Variants in PDE1A observed in about 807,000 individuals in gnomAD.
The protein encoded by PDE1A is dual specificity calcium/calmodulin-dependent 3',5'-cyclic nucleotide phosphodiesterase 1A.
PDE1A carries 35 observed loss-of-function variants against 61.7 expected under a neutral mutation model. The observed-to-expected ratio is 0.57, with a 90% CI of 0.43 to 0.75. The LOEUF (loss-of-function observed/expected upper bound fraction) is 0.75. Among genes scored for constraint, PDE1A ranks in the 30% least tolerant of loss-of-function variants. The pLI is 0.00. For missense variants in PDE1A, 597 were observed against 630.6 expected (o/e 0.95, Z 0.57); for synonymous variants, 232 against 213.2 (o/e 1.09, Z -0.77).
the PDE1A span, among the ~76,000 whole-genome samples, chr2:182,555,804 T>C: frequency 6.6e-6 from 1 of 151,382 alleles, no homozygotes; most frequent in Non-Finnish European, 1.5e-5. Flanking sequence ...CTGTCTCTAC[T>C]AAAAATACAA....
chr2:182,259,028 C>T (rs1692024132), intron 2 of PDE1A, among the ~76,000 whole-genome samples: 1 of 152,156 alleles, frequency 6.6e-6, no homozygotes, highest in South Asian at 2.1e-4. Context: ...TTCAGGTACT[C>T]AACAGGTATT....
chr2:182,602,998 CATACAT>C, the PDE1A span, among the ~76,000 whole-genome samples: 128 of 148,998 alleles, frequency 8.6e-4, no homozygotes, highest in African/African-American at 3.0e-3. Context: ...CACACACATA[CATACAT>C]ACATACATAC....
intron 13 of PDE1A, among the ~76,000 whole-genome samples, chr2:182,170,202 T>A (rs1202168458): frequency 6.6e-6 from 1 of 152,048 alleles, no homozygotes; most frequent in Admixed American, 6.6e-5. Flanking sequence ...AAAATTAGTT[T>A]TGTGACGTTA....
At chr2:182,332,646 C>T (rs899128890) in intron 1 of PDE1A, among the ~76,000 whole-genome samples, 1 of 152,072 alleles carries the variant, frequency 6.6e-6, no homozygotes, top group Admixed American at 6.5e-5. Flanking sequence ...CACTCCAGAC[C>T]CTGTTTGCCT....
At chr2:182,301,219 C>T (rs571445027) in intron 1 of PDE1A, among the ~76,000 whole-genome samples, 1 of 152,028 alleles carries the variant, frequency 6.6e-6, no homozygotes, top group East Asian at 1.9e-4. Context: ...ATTGCATTAC[C>T]CCAAATCTGC....
At chr2:182,201,600 G>A in intron 9 of PDE1A, 41 bp from the exon 10 acceptor site, 3 of 1,549,916 alleles carry the variant, frequency 1.9e-6, no homozygotes, top group Non-Finnish European at 2.6e-6. Context: ...CAAAACAAAG[G>A]AAACAATTAC....
intron 2 of PDE1A, among the ~76,000 whole-genome samples, chr2:182,474,130 C>T (rs1321514336): frequency 1.3e-5 from 2 of 151,856 alleles, no homozygotes; most frequent in Non-Finnish European, 2.9e-5. Flanking sequence ...TCTTTAAATT[C>T]AATATAAACA....
At chr2:182,401,485 A>C (rs34889222) in intron 1 of PDE1A, among the ~76,000 whole-genome samples, 48,211 of 152,132 alleles carry the variant, frequency 0.32, 9,061 homozygotes, top group South Asian at 0.49. Flanking sequence ...TTCATTCTAA[A>C]AACTCTCAAT....
the PDE1A span, among the ~76,000 whole-genome samples, chr2:182,554,182 G>C: frequency 6.6e-6 from 1 of 152,092 alleles, no homozygotes; most frequent in African/African-American, 2.4e-5. Context: ...ATTTTCCTTT[G>C]ACTAAATTTA....
chr2:182,453,596 T>A (rs1221898373), intron 2 of PDE1A, among the ~76,000 whole-genome samples: 1 of 152,134 alleles, frequency 6.6e-6, no homozygotes, highest in Non-Finnish European at 1.5e-5. Context: ...ATCCCTGGGA[T>A]GCAAGGCTGG....
chr2:182,630,631 G>A, the PDE1A span, among the ~76,000 whole-genome samples: 2 of 151,524 alleles, frequency 1.3e-5, no homozygotes, highest in Admixed American at 1.3e-4. Context: ...CAGTTTGATG[G>A]TTCTAATTTA....
At chr2:182,537,530 G>C in the PDE1A span, among the ~76,000 whole-genome samples, 1 of 152,090 alleles carries the variant, frequency 6.6e-6, no homozygotes, top group Non-Finnish European at 1.5e-5. Flanking sequence ...GATAGCATTA[G>C]GAGAAATACC....
intron 1 of PDE1A, among the ~76,000 whole-genome samples, chr2:182,282,802 C>G (rs1693899044): frequency 6.6e-6 from 1 of 151,980 alleles, no homozygotes; most frequent in South Asian, 2.1e-4. Context: ...TCCTCAATTA[C>G]AATTGGCAGT....
At chr2:182,353,720 A>C (rs1219323146) in intron 1 of PDE1A, among the ~76,000 whole-genome samples, 1 of 152,146 alleles carries the variant, frequency 6.6e-6, no homozygotes, top group East Asian at 1.9e-4. Flanking sequence ...GAGATCGAGC[A>C]CAGGGTAAAC....
the PDE1A span, among the ~76,000 whole-genome samples, chr2:182,544,289 CAGAT>C: frequency 1.3e-5 from 2 of 152,140 alleles, no homozygotes; most frequent in African/African-American, 4.8e-5. Context: ...CTAGCCCTGA[CAGAT>C]AGTGGTAAAC....
At chr2:182,567,630 T>C in the PDE1A span, among the ~76,000 whole-genome samples, 2 of 152,162 alleles carry the variant, frequency 1.3e-5, no homozygotes, top group South Asian at 2.1e-4. Context: ...CAACTAATCA[T>C]AAATTTCAGC....
intron 1 of PDE1A, among the ~76,000 whole-genome samples, chr2:182,377,989 G>C (rs1221382429): frequency 6.6e-6 from 1 of 151,934 alleles, no homozygotes; most frequent in African/African-American, 2.4e-5. Flanking sequence ...TGGGACTATA[G>C]GTGCCCGCCA....
chr2:182,599,053 C>T, the PDE1A span, among the ~76,000 whole-genome samples: 2 of 152,176 alleles, frequency 1.3e-5, no homozygotes, highest in African/African-American at 4.8e-5. Context: ...GAGAGCTCTG[C>T]CCCTTCTGAG....
chr2:182,358,054 A>AT (rs1699296040), intron 1 of PDE1A, among the ~76,000 whole-genome samples: 1 of 152,140 alleles, frequency 6.6e-6, no homozygotes, highest in Non-Finnish European at 1.5e-5. Flanking sequence ...GCTCTCAACC[A>AT]TTTCTCAGCC....
Sources: allele counts gnomAD v4.1 joint callset (sites outside exome capture counted in the v4.1 genomes callset), GRCh38; gene constraint gnomAD v4.1.1; transcripts MANE v1.5; gene names NCBI Gene and HGNC (gene_info 2026-07-23, HGNC 2026-07-21).